Variants in SLC25A21 observed in about 807,000 individuals in gnomAD.
SLC25A21 encodes solute carrier family 25 member 21.
A neutral mutation model predicts 43.8 loss-of-function variants in SLC25A21; 47 were observed. The observed-to-expected ratio is 1.07, with a 90% confidence interval of 0.85 to 1.37. The LOEUF is 1.37. SLC25A21 is among the 40% of genes most tolerant of loss of function. The probability of loss-of-function intolerance (pLI) is 0.00; values close to 1 mark genes in which losing one functional copy is unlikely to be tolerated. For missense variants in SLC25A21, 352 were observed against 350.2 expected, an observed-to-expected ratio of 1.00 and a Z score of -0.04; for synonymous variants, 131 against 121.3, an observed-to-expected ratio of 1.08 and a Z score of -0.52.
intron 6 of SLC25A21, among the ~76,000 whole-genome samples, chr14:36,714,520 T>G (rs958540364): frequency 6.6e-6 from 1 of 152,206 alleles, no homozygotes; most frequent in African/African-American, 2.4e-5. Flanking sequence ...CTAAGATCTC[T>G]GCATATGGCA....
At chr14:36,888,977 C>T (rs371307280) in intron 1 of SLC25A21, among the ~76,000 whole-genome samples, 6 of 152,148 alleles carry the variant, frequency 3.9e-5, no homozygotes, top group Admixed American at 2.0e-4. Context: ...TAATTAATCA[C>T]GCTGCTACAA....
At chr14:37,027,372 G>C (rs1594758351) in intron 1 of SLC25A21, among the ~76,000 whole-genome samples, 1 of 152,142 alleles carries the variant, frequency 6.6e-6, no homozygotes, top group East Asian at 1.9e-4. Flanking sequence ...ACAACTGTTA[G>C]ATGACCGTTT....
chr14:36,922,738 T>C (rs181177782), intron 1 of SLC25A21, among the ~76,000 whole-genome samples: 17 of 151,912 alleles, frequency 1.1e-4, no homozygotes, highest in Admixed American at 1.1e-3. Flanking sequence ...TCCAGAGGGG[T>C]CACATTTGTC....
chr14:36,894,197 T>C (rs2138587238), intron 1 of SLC25A21, among the ~76,000 whole-genome samples: 1 of 152,302 alleles, frequency 6.6e-6, no homozygotes, highest in East Asian at 1.9e-4. Context: ...CATTTGTTTG[T>C]ATCCTCTTTT....
intron 1 of SLC25A21, among the ~76,000 whole-genome samples, chr14:37,118,399 C>G (rs1303112091): frequency 2.3e-5 from 1 of 44,128 alleles, no homozygotes; most frequent in Non-Finnish European, 1.3e-4. Flanking sequence ...CCTGCCTCCT[C>G]CCAACTATTT....
intron 2 of SLC25A21, among the ~76,000 whole-genome samples, chr14:36,859,721 A>G (rs1890011513): frequency 6.6e-6 from 1 of 152,234 alleles, no homozygotes; most frequent in Admixed American, 6.5e-5. Flanking sequence ...AAAACCACAC[A>G]AATGCAACTT....
At chr14:36,912,592 T>G (rs934282190) in intron 1 of SLC25A21, among the ~76,000 whole-genome samples, 1 of 152,204 alleles carries the variant, frequency 6.6e-6, no homozygotes, top group South Asian at 2.1e-4. Context: ...TGTCAACTGA[T>G]AGAGTACAAT....
intron 1 of SLC25A21, among the ~76,000 whole-genome samples, chr14:37,103,569 C>T (rs1962857092): frequency 6.6e-6 from 1 of 152,104 alleles, no homozygotes; most frequent in African/African-American, 2.4e-5. Flanking sequence ...AAGTAACTTG[C>T]CTAACATTCC....
At chr14:36,929,795 C>CA (rs1892238693) in intron 1 of SLC25A21, among the ~76,000 whole-genome samples, 1 of 152,186 alleles carries the variant, frequency 6.6e-6, no homozygotes, top group Non-Finnish European at 1.5e-5. Context: ...CCTGGATAAG[C>CA]AACCATTCCC....
intron 2 of SLC25A21, 151 bp from the exon 3 acceptor site, chr14:36,814,152 T>C (rs1220129336): frequency 1.8e-6 from 1 of 547,990 alleles, no homozygotes; most frequent in Non-Finnish European, 3.2e-6. Context: ...CCTTATATAA[T>C]CTTTACCTTA....
At chr14:37,049,285 C>T (rs1317617939) in intron 1 of SLC25A21, among the ~76,000 whole-genome samples, 1 of 152,076 alleles carries the variant, frequency 6.6e-6, no homozygotes, top group Non-Finnish European at 1.5e-5. Flanking sequence ...CATCACAGAT[C>T]AAGAATGACA....
At chr14:36,925,952 G>A (rs1166236795) in intron 1 of SLC25A21, among the ~76,000 whole-genome samples, 1 of 152,100 alleles carries the variant, frequency 6.6e-6, no homozygotes, top group Non-Finnish European at 1.5e-5. Flanking sequence ...GTTGTCAGCT[G>A]AAGACAGAAA....
chr14:36,883,237 C>G (rs1366279246), intron 1 of SLC25A21, among the ~76,000 whole-genome samples: 1 of 152,210 alleles, frequency 6.6e-6, no homozygotes, highest in African/African-American at 2.4e-5. Context: ...CTCCCCTCCA[C>G]TGGCTCTACT....
chr14:37,091,244 C>A (rs1027709012), intron 1 of SLC25A21, among the ~76,000 whole-genome samples: 2 of 152,040 alleles, frequency 1.3e-5, no homozygotes, highest in Non-Finnish European at 2.9e-5. Context: ...ACCAGCCTGG[C>A]TAACATGGTG....
At chr14:36,696,586 G>C (rs1030590098) in intron 7 of SLC25A21, among the ~76,000 whole-genome samples, 1 of 152,070 alleles carries the variant, frequency 6.6e-6, no homozygotes, top group Non-Finnish European at 1.5e-5. Flanking sequence ...CAATTTCAGA[G>C]CCTATTATTG....
intron 1 of SLC25A21, among the ~76,000 whole-genome samples, chr14:37,044,244 A>G: frequency 6.6e-6 from 1 of 152,198 alleles, no homozygotes; most frequent in African/African-American, 2.4e-5. Context: ...TTTTGTTATT[A>G]ATAATATTTT....
intron 1 of SLC25A21, among the ~76,000 whole-genome samples, chr14:36,996,692 T>C (rs1960379139): frequency 6.6e-6 from 1 of 151,532 alleles, no homozygotes; most frequent in African/African-American, 2.4e-5. Context: ...GAGGAATAAA[T>C]GGAGAAAAAA....
chr14:36,750,976 A>G (rs893310927), intron 3 of SLC25A21, among the ~76,000 whole-genome samples: 28 of 152,190 alleles, frequency 1.8e-4, no homozygotes, highest in African/African-American at 6.5e-4. Context: ...CCCACTGGCC[A>G]TGATCACTGA....
intron 5 of SLC25A21, among the ~76,000 whole-genome samples, chr14:36,727,099 G>C (rs1884631361): frequency 6.6e-6 from 1 of 152,064 alleles, no homozygotes; most frequent in South Asian, 2.1e-4. Flanking sequence ...CCCAACCAAG[G>C]GTGCTTGGAG....
Sources: gnomAD v4.1 joint callset for allele counts (sites outside exome capture counted in the v4.1 genomes callset) on GRCh38, gnomAD v4.1.1 for gene constraint, MANE v1.5 for transcripts, NCBI Gene and HGNC (gene_info 2026-07-23, HGNC 2026-07-21) for gene names.